MAN1A1: variants seen among roughly 807,000 people sequenced by gnomAD.
The protein encoded by MAN1A1 is mannosidase alpha class 1A member 1.
MAN1A1 carries 29 observed loss-of-function variants against 70.8 expected under a neutral mutation model. The ratio of observed to expected loss-of-function variants is 0.41; its 90% CI spans 0.31 to 0.56. MAN1A1 has a LOEUF of 0.56. MAN1A1 is among the 20% of genes least tolerant of loss of function. The pLI, the probability that MAN1A1 is intolerant of heterozygous loss-of-function variation, is 0.29. For missense variants in MAN1A1, 747 were observed against 841.3 expected, an observed-to-expected ratio of 0.89 and a Z score of 1.39; for synonymous variants, 349 against 330.1, an observed-to-expected ratio of 1.06 and a Z score of -0.62.
At chr6:119,213,592 C>T (rs892746695) in intron 6 of MAN1A1, among the ~76,000 whole-genome samples, 4 of 152,158 alleles carry the variant, frequency 2.6e-5, no homozygotes, top group Admixed American at 2.0e-4. Context: ...AAAGGACAAT[C>T]TGCATATAAT....
At chr6:119,244,705 G>A (rs1582730949) in intron 6 of MAN1A1, among the ~76,000 whole-genome samples, 1 of 152,066 alleles carries the variant, frequency 6.6e-6, no homozygotes, top group Admixed American at 6.6e-5. Context: ...AATTCAAAAT[G>A]CTGCTTGCTT....
chr6:119,342,659 G>A (rs1320553679), intron 2 of MAN1A1, among the ~76,000 whole-genome samples: 1 of 152,184 alleles, frequency 6.6e-6, no homozygotes. Context: ...AGACAGGTAA[G>A]TGCATCCCAA....
chr6:119,299,068 A>G (rs1772313672), intron 4 of MAN1A1, among the ~76,000 whole-genome samples: 1 of 151,934 alleles, frequency 6.6e-6, no homozygotes, highest in Non-Finnish European at 1.5e-5. Flanking sequence ...CTTCATATAA[A>G]TGAGAAAAAT....
At chr6:119,264,439 G>C (rs1216472272) in intron 5 of MAN1A1, among the ~76,000 whole-genome samples, 1 of 152,168 alleles carries the variant, frequency 6.6e-6, no homozygotes, top group African/African-American at 2.4e-5. Context: ...CTGGCAAATA[G>C]CACATGAGAT....
intron 2 of MAN1A1, among the ~76,000 whole-genome samples, chr6:119,332,345 G>C (rs990107963): frequency 1.3e-5 from 2 of 152,196 alleles, no homozygotes; most frequent in Admixed American, 6.5e-5. Flanking sequence ...CATTCTATTA[G>C]GAGAAAAAGG....
chr6:119,221,516 A>G (rs1774360279), intron 6 of MAN1A1, among the ~76,000 whole-genome samples: 1 of 139,254 alleles, frequency 7.2e-6, no homozygotes, highest in African/African-American at 2.7e-5. Flanking sequence ...TCTGTCACCC[A>G]GGCTGGATTG....
rs1419141531 is a variant in MAN1A1 at position 119,348,835 on chromosome 6, G to C, written c.231C>G (p.Ser77Arg). 51 of 1,493,806 alleles carry C rather than the reference G, an allele frequency of 3.4e-5. No individual in the cohort carries two copies. Among genetic ancestry groups the C allele is most frequent in the Non-Finnish European group, 4.5e-5 (50 of 1,120,996 alleles). 92.5% of individuals were successfully genotyped at this position (1,493,806 alleles called of 1,614,324 possible). Residue 77 changes from serine to arginine, a missense_variant, in exon 2 of 13, where the codon AGC becomes AGG. By Grantham distance (110) the Ser-to-Arg change is moderately radical. Coordinates refer to ENST00000368468, the MANE Select transcript of MAN1A1 (RefSeq NM_005907.4). ...KLLSGVLFHSSPALQPAADHK... is the reference protein window; with the variant it reads ...KLLSGVLFHSRPALQPAADHK... ...GGTCGGCGGCCGGCTGCAAGGCGGG[G>C]CTGGAGTGGAACAGGACCCCGCTGA...
intron 4 of MAN1A1, among the ~76,000 whole-genome samples, chr6:119,297,159 C>T (rs980778310): frequency 6.6e-6 from 1 of 152,156 alleles, no homozygotes; most frequent in African/African-American, 2.4e-5. Flanking sequence ...TGTTCTTATG[C>T]AACTGATCTT....
At chr6:119,267,664 A>G (rs1244657257) in intron 5 of MAN1A1, among the ~76,000 whole-genome samples, 1 of 152,128 alleles carries the variant, frequency 6.6e-6, no homozygotes, top group South Asian at 2.1e-4. Flanking sequence ...TAGAAACCCT[A>G]TGTGGGCCTT....
chr6:119,275,773 T>C (rs1000617288), intron 5 of MAN1A1, among the ~76,000 whole-genome samples: 3 of 152,166 alleles, frequency 2.0e-5, no homozygotes, highest in African/African-American at 7.2e-5. Flanking sequence ...GATTTAGGTA[T>C]GTAACTGATA....
At chr6:119,293,860 C>G (rs1772121137) in intron 4 of MAN1A1, among the ~76,000 whole-genome samples, 2 of 152,066 alleles carry the variant, frequency 1.3e-5, no homozygotes, top group Admixed American at 1.3e-4. Flanking sequence ...GATTTGGAAG[C>G]CATCTGAGTT....
chr6:119,243,448 T>C (rs1162625711), intron 6 of MAN1A1, among the ~76,000 whole-genome samples: 1 of 152,100 alleles, frequency 6.6e-6, no homozygotes, highest in Admixed American at 6.6e-5. Context: ...GAAAACACTT[T>C]AACAATATTT....
intron 2 of MAN1A1, among the ~76,000 whole-genome samples, chr6:119,337,445 T>C (rs927840829): frequency 1.3e-5 from 2 of 152,162 alleles, no homozygotes; most frequent in African/African-American, 4.8e-5. Context: ...AACAAATACA[T>C]ACTGGGCCCT....
At chr6:119,233,464 C>T (rs1437298248) in intron 6 of MAN1A1, among the ~76,000 whole-genome samples, 1 of 152,040 alleles carries the variant, frequency 6.6e-6, no homozygotes, top group Non-Finnish European at 1.5e-5. Context: ...GATCAAAGTC[C>T]ACTTAATGTA....
At chr6:119,246,945 A>C (rs943503102) in intron 6 of MAN1A1, among the ~76,000 whole-genome samples, 10 of 152,090 alleles carry the variant, frequency 6.6e-5, no homozygotes, top group African/African-American at 2.4e-4. Context: ...AGAACGATTA[A>C]TATCTCAGTT....
At chr6:119,258,744 A>G (rs984115109) in intron 5 of MAN1A1, among the ~76,000 whole-genome samples, 5 of 152,200 alleles carry the variant, frequency 3.3e-5, no homozygotes, top group African/African-American at 1.2e-4. Flanking sequence ...AATAATTTAT[A>G]TAAGTTTTAA....
At chr6:119,301,264 C>A (rs893158505) in intron 4 of MAN1A1, among the ~76,000 whole-genome samples, 2 of 152,140 alleles carry the variant, frequency 1.3e-5, no homozygotes, top group Admixed American at 1.3e-4. Flanking sequence ...AGTATAAGTT[C>A]TTTGTCAATA....
chr6:119,185,311 C>G (rs957112816), intron 11 of MAN1A1, among the ~76,000 whole-genome samples: 1 of 152,156 alleles, frequency 6.6e-6, no homozygotes, highest in Non-Finnish European at 1.5e-5. Context: ...AAAGAACTCT[C>G]TAGTGTTGTA....
Position 119,342,190 on chromosome 6 carries a change from G to A in MAN1A1, c.603+6273C>T, listed in dbSNP as rs552381974. Among the ~76,000 whole-genome samples the A allele has an allele frequency of 6.6e-5, 10 of 152,244 alleles. No individual in the cohort carries two copies. In the East Asian group the frequency reaches 9.6e-4, roughly 15 times the overall value. On this transcript the variant is annotated intron_variant, in intron 2 of 12. Coordinates refer to ENST00000368468, the MANE Select transcript of MAN1A1 (RefSeq NM_005907.4). ...AAATCAAAGAAAATCAGAGTTGACC[G>A]TAGCAAAATAAAATTATAGGTATGG...
Sources: allele counts gnomAD v4.1 joint callset (sites outside exome capture counted in the v4.1 genomes callset), GRCh38; gene constraint gnomAD v4.1.1; transcripts MANE v1.5; gene names NCBI Gene and HGNC (gene_info 2026-07-23, HGNC 2026-07-21).